MATN2: variants seen among roughly 807,000 people sequenced by gnomAD.
MATN2 encodes the protein matrilin-2.
MATN2 carries 69 observed loss-of-function variants against 103.2 expected under a neutral mutation model. The ratio of observed to expected loss-of-function variants is 0.67; its 90% CI spans 0.55 to 0.82. MATN2 has a LOEUF of 0.82. MATN2 is among the 40% of genes least tolerant of loss of function. MATN2 has a pLI of 0.00. For synonymous variants in MATN2, 429 were observed against 450.2 expected (o/e 0.95, Z 0.60); for missense variants, 1,023 against 1,211.5 (o/e 0.84, Z 2.31).
intron 11 of MATN2, 136 bp downstream of exon 11, chr8:98,016,798 G>A: frequency 1.0e-6 from 1 of 966,902 alleles, no homozygotes; most frequent in South Asian, 1.5e-5. Flanking sequence ...TCCTGGATAG[G>A]ACCCTGAAAG....
chr8:97,871,574 T>C (rs1318211668), intron 1 of MATN2, among the ~76,000 whole-genome samples: 1 of 152,214 alleles, frequency 6.6e-6, no homozygotes, highest in Non-Finnish European at 1.5e-5. Flanking sequence ...AGGACTCCCC[T>C]GTTTAAAGCA....
At chr8:97,951,703 GA>G (rs1810959460) in intron 4 of MATN2, among the ~76,000 whole-genome samples, 9 of 152,066 alleles carry the variant, frequency 5.9e-5, no homozygotes, top group Admixed American at 4.6e-4. Flanking sequence ...TTTGGAAATT[GA>G]AAAGCACTCT....
intron 5 of MATN2, among the ~76,000 whole-genome samples, chr8:97,972,180 A>G (rs1207844563): frequency 1.3e-5 from 2 of 151,830 alleles, no homozygotes; most frequent in Admixed American, 6.6e-5. Context: ...CCAAAAATAT[A>G]TAAAGAAATT....
chr8:97,991,966 T>C (rs1255646446), intron 6 of MATN2, among the ~76,000 whole-genome samples: 2 of 152,198 alleles, frequency 1.3e-5, no homozygotes, highest in African/African-American at 2.4e-5. Flanking sequence ...GAAAACGAGA[T>C]ACAATCTCTG....
At chr8:97,952,954 G>A (rs565733127) in intron 4 of MATN2, among the ~76,000 whole-genome samples, 17 of 121,152 alleles carry the variant, frequency 1.4e-4, no homozygotes, top group African/African-American at 5.5e-4. Context: ...ACAGGATCTC[G>A]CTCTGTCTCC....
intron 1 of MATN2, among the ~76,000 whole-genome samples, chr8:97,873,006 G>A (rs753859288): frequency 6.6e-6 from 1 of 152,076 alleles, no homozygotes; most frequent in Non-Finnish European, 1.5e-5. Context: ...TGTTGGCCAC[G>A]CTGGTTTCGA....
chr8:97,956,307 A>G (rs1478250552), intron 4 of MATN2, among the ~76,000 whole-genome samples: 1 of 152,048 alleles, frequency 6.6e-6, no homozygotes, highest in East Asian at 1.9e-4. Context: ...CCTCCCAAGT[A>G]ACTGGGATTA....
At chr8:97,919,276 C>A (rs746315220) in intron 2 of MATN2, among the ~76,000 whole-genome samples, 1 of 152,204 alleles carries the variant, frequency 6.6e-6, no homozygotes, top group Non-Finnish European at 1.5e-5. Flanking sequence ...GTCTAGGGTA[C>A]AGCTGGAGTG....
chr8:97,924,331 C>T (rs1455646211), intron 2 of MATN2, among the ~76,000 whole-genome samples: 1 of 152,228 alleles, frequency 6.6e-6, no homozygotes, highest in African/African-American at 2.4e-5. Context: ...AATCCCTTCA[C>T]TCTTCCACTG....
chr8:98,020,348 G>A (rs907829297), intron 12 of MATN2, among the ~76,000 whole-genome samples: 1 of 152,096 alleles, frequency 6.6e-6, no homozygotes, highest in Non-Finnish European at 1.5e-5. Flanking sequence ...GTTTCACCAT[G>A]TTGCCCAGGC....
At chr8:97,872,822 T>G (rs888562647) in intron 1 of MATN2, among the ~76,000 whole-genome samples, 1 of 150,122 alleles carries the variant, frequency 6.7e-6, no homozygotes, top group South Asian at 2.1e-4. Flanking sequence ...CAAGACAGAG[T>G]CTCGTTCTAT....
At chr8:97,989,782 T>G (rs1199135562) in intron 6 of MATN2, among the ~76,000 whole-genome samples, 1 of 152,142 alleles carries the variant, frequency 6.6e-6, no homozygotes, top group East Asian at 1.9e-4. Context: ...ACTAGAACTA[T>G]TAATAGCAAG....
chr8:98,004,150 T>A (rs971759488), intron 8 of MATN2: 2 of 225,596 alleles, frequency 8.9e-6, no homozygotes, highest in Non-Finnish European at 1.8e-5. Context: ...TAGCTGGGTG[T>A]GGTGGTGGGT....
chr8:97,918,135 A>G (rs546452158), intron 2 of MATN2, among the ~76,000 whole-genome samples: 1 of 152,224 alleles, frequency 6.6e-6, no homozygotes, highest in Non-Finnish European at 1.5e-5. Flanking sequence ...ACTAATTTTT[A>G]AAAAAGAAGA....
intron 3 of MATN2, among the ~76,000 whole-genome samples, chr8:97,940,738 A>T (rs969780860): frequency 2.0e-5 from 3 of 152,190 alleles, no homozygotes; most frequent in Non-Finnish European, 4.4e-5. Flanking sequence ...TTGCTTGTTA[A>T]TTTTAAATAC....
intron 4 of MATN2, among the ~76,000 whole-genome samples, chr8:97,942,935 C>T (rs1050066379): frequency 2.0e-5 from 3 of 152,058 alleles, no homozygotes; most frequent in East Asian, 1.9e-4. Flanking sequence ...CTTGACCCTC[C>T]GCTTCTGTGT....
At chr8:97,994,310 G>A (rs1812496525) in intron 6 of MATN2, among the ~76,000 whole-genome samples, 170 bp from the exon 7 acceptor site, 1 of 151,910 alleles carries the variant, frequency 6.6e-6, no homozygotes, top group Admixed American at 6.6e-5. Context: ...CTTAGGAGAG[G>A]CCATATCTCT....
intron 5 of MATN2, among the ~76,000 whole-genome samples, chr8:97,964,627 G>T (rs1811426295): frequency 6.6e-6 from 1 of 151,822 alleles, no homozygotes; most frequent in South Asian, 2.1e-4. Flanking sequence ...TAGAGACAGG[G>T]TCTCCATACA....
intron 2 of MATN2, among the ~76,000 whole-genome samples, chr8:97,891,363 AG>A (rs1297874625): frequency 1.3e-5 from 2 of 152,064 alleles, no homozygotes; most frequent in Non-Finnish European, 2.9e-5. Flanking sequence ...ATTTTGAGAT[AG>A]GGTCTCACTG....
Sources: allele counts gnomAD v4.1 joint callset (sites outside exome capture counted in the v4.1 genomes callset), GRCh38; gene constraint gnomAD v4.1.1; transcripts MANE v1.5; gene names NCBI Gene and HGNC (gene_info 2026-07-23, HGNC 2026-07-21).